The following SFSWAP variants were observed in gnomAD, a reference collection of about 807,000 sequenced individuals.
The protein encoded by SFSWAP is splicing factor SWAP.
In SFSWAP, 17 loss-of-function variants were observed where a neutral mutation model predicts 100.7. The observed-to-expected ratio is 0.17, with a 90% confidence interval of 0.12 to 0.25. The LOEUF is 0.25. Among genes scored for constraint, SFSWAP ranks in the 10% least tolerant of loss-of-function variants. The pLI, the probability that SFSWAP is intolerant of heterozygous loss-of-function variation, is 1.00. For missense variants in SFSWAP, 1,005 were observed against 1,262.6 expected, an observed-to-expected ratio of 0.80 and a Z score of 3.09; for synonymous variants, 504 against 510.1, an observed-to-expected ratio of 0.99 and a Z score of 0.16.
At chr12:131,751,986 A>G (rs1048024632) in intron 7 of SFSWAP, among the ~76,000 whole-genome samples, 2 of 152,202 alleles carry the variant, frequency 1.3e-5, no homozygotes, top group Admixed American at 6.5e-5. Flanking sequence ...CTAGAGAACA[A>G]CGGTTTAGGA....
chr12:131,764,175 G>A, intron 11 of SFSWAP, among the ~76,000 whole-genome samples: 1 of 152,228 alleles, frequency 6.6e-6, no homozygotes, highest in East Asian at 1.9e-4. Flanking sequence ...TAAAATTGCA[G>A]GTGACTGCCC....
chr12:131,755,476 G>A lies in SFSWAP; in HGVS notation c.1545G>A (p.Met515Ile). The A allele has an allele frequency of 6.2e-7, 1 of 1,607,402 alleles. No homozygotes were observed. Among genetic ancestry groups the A allele is most frequent in the South Asian group, 1.1e-5 (1 of 90,942 alleles). The stretch of plus-strand genomic sequence containing the variant: ...TCCAGAAAGAAGGGGGCGATAGCAT[G>A]CAGGTACGTGTCTGAATGCAGGGAG... ...FFLQKEGGDS[M>I]QAVSAPEEAP... The change falls in exon 10 of 18, where the codon ATG becomes ATA. Residue 515 changes from methionine (M) to isoleucine (I), a missense_variant. Met to Ile is a conservative substitution (Grantham distance 10). Transcript: ENST00000261674.
intron 13 of SFSWAP, among the ~76,000 whole-genome samples, chr12:131,776,327 G>A (rs557909077): frequency 4.9e-4 from 74 of 152,136 alleles, no homozygotes; most frequent in South Asian, 2.3e-3. Context: ...CTTGCCCGCC[G>A]CACACCCACA....
Position 131,714,762 on chromosome 12 carries a change from TATAA to T in SFSWAP, c.389-58_389-55del. On this transcript the variant is annotated intron_variant, in intron 2 of 17. Transcript: ENST00000261674. The surrounding 1 kb of genome is among the most constrained non-coding windows in gnomAD (Gnocchi z 6.0). ...ACTGATAGCTACAACTTTAGAAATA[TATAA>T]AGTTTTTCTCAGTAATTTTCTATTT... 6.7e-7 allele frequency: 1 copy of T among 1,485,656 alleles called. No individual in the cohort carries two copies. Among genetic ancestry groups the T allele is most frequent in the South Asian group, 1.2e-5 (1 of 86,548 alleles). 92.0% of individuals were successfully genotyped at this position (1,485,656 alleles called of 1,614,324 possible). A position where few individuals can be genotyped will look rare whatever the true frequency, so the allele number is the denominator to read the frequency against.
rs143582483 is a variant in SFSWAP at position 131,722,413 on chromosome 12, A to G, written c.606+2874A>G. On this transcript the variant is annotated intron_variant, in intron 4 of 17. Transcript: ENST00000261674. ...CCTGTCTCTACAAACAAGTAAAAAT[A>G]ATAGGCCAGTGTGGTGGCACGTGCC... 3.0e-3 allele frequency among the ~76,000 whole-genome samples: 459 copies of G among 152,012 alleles called. 1 individual carries two copies. The highest frequency in any genetic ancestry group is 0.01 in the African/African-American group (422 of 41,458).
At chr12:131,752,100 A>G (rs1223413298) in intron 7 of SFSWAP, among the ~76,000 whole-genome samples, 1 of 152,230 alleles carries the variant, frequency 6.6e-6, no homozygotes, top group Admixed American at 6.5e-5. Context: ...GGAAAGGTCA[A>G]GATAGTCTAA....
Position 131,764,546 on chromosome 12 carries a change from GTGA to G in SFSWAP, c.1821_1823del (p.Asp607del), listed in dbSNP as rs774178442. ...AATCGTGTTAAGCTAGATGATGACA[GTGA>G]TGATGATGAAGAAAGCAAAGAAGGC... On this transcript the variant is annotated inframe_deletion, in exon 12 of 18. Coordinates refer to ENST00000261674, the MANE Select transcript of SFSWAP (RefSeq NM_004592.4). The G allele has an allele frequency of 5.6e-6, 9 of 1,614,162 alleles. No individual in the cohort carries two copies. The highest frequency in any genetic ancestry group is 7.6e-6 in the Non-Finnish European group (9 of 1,179,988).
chr12:131,729,028 C>T (rs10902438), intron 7 of SFSWAP, among the ~76,000 whole-genome samples: 25,445 of 151,992 alleles, frequency 0.17, 2,424 homozygotes, highest in South Asian at 0.29. Context: ...TCCACCCAAG[C>T]CATAGCTAGT....
chr12:131,781,394 C>T (rs113496293), intron 14 of SFSWAP, among the ~76,000 whole-genome samples: 1 of 151,830 alleles, frequency 6.6e-6, no homozygotes. Flanking sequence ...CCCGCCACCT[C>T]GCCCGGCTAA....
At chr12:131,746,433 C>T (rs1199742377) in intron 7 of SFSWAP, among the ~76,000 whole-genome samples, 1 of 152,136 alleles carries the variant, frequency 6.6e-6, no homozygotes, top group Non-Finnish European at 1.5e-5. Flanking sequence ...GCATGTGGGT[C>T]GTTTGTTTGC....
At chr12:131,757,933 G>C (rs892153051) in intron 11 of SFSWAP, 1 of 152,260 alleles carries the variant, frequency 6.6e-6, no homozygotes, top group South Asian at 2.1e-4. Flanking sequence ...TATAGGTCAG[G>C]GTAAGGCAGC....
chr12:131,741,369 C>T (rs962147127), intron 7 of SFSWAP, among the ~76,000 whole-genome samples: 1 of 152,124 alleles, frequency 6.6e-6, no homozygotes, highest in African/African-American at 2.4e-5. Flanking sequence ...GCCATGGTGG[C>T]TCACACCTGT....
chr12:131,785,773 T>G (rs1410030788), intron 14 of SFSWAP: 1 of 153,326 alleles, frequency 6.5e-6, no homozygotes, highest in Non-Finnish European at 1.5e-5. Context: ...TGAAATCGCA[T>G]AAACTTAAGT....
chr12:131,785,027 C>A, intron 14 of SFSWAP: 1 of 1,492,482 alleles, frequency 6.7e-7, no homozygotes, highest in South Asian at 1.2e-5. Context: ...GCGCCCAGCC[C>A]AGCACCTTTT....
At position 131,799,528 on chromosome 12, in the gene SFSWAP, C is replaced by T; in HGVS notation, c.*40C>T. On this transcript the variant is annotated 3_prime_UTR_variant, in exon 18 of 18. Coordinates refer to ENST00000261674, the MANE Select transcript of SFSWAP (RefSeq NM_004592.4). ...AGGCAGAGCCGGGAGGCTGCGTGGG[C>T]TTCTGGGCAGGCTCACGCAGACGCC... is the stretch of plus-strand genomic sequence containing the variant. The T allele has an allele frequency of 6.3e-7, 1 of 1,588,608 alleles. No individual in the cohort carries two copies. The highest frequency in any genetic ancestry group is 8.6e-7 in the Non-Finnish European group (1 of 1,159,590).
intron 15 of SFSWAP, among the ~76,000 whole-genome samples, chr12:131,791,408 T>C (rs1306101319): frequency 6.6e-6 from 1 of 150,908 alleles, no homozygotes; most frequent in African/African-American, 2.4e-5. Context: ...TAAACGAAAC[T>C]TTTCCACCAA....
At chr12:131,727,506 C>T (rs886607060) in intron 6 of SFSWAP, among the ~76,000 whole-genome samples, 1 of 152,068 alleles carries the variant, frequency 6.6e-6, no homozygotes, top group Non-Finnish European at 1.5e-5. Flanking sequence ...ATTAGCCAGG[C>T]GTGGTGGGTA....
intron 15 of SFSWAP, 113 bp from the exon 16 acceptor site, chr12:131,797,065 G>A: frequency 1.1e-6 from 1 of 877,012 alleles, no homozygotes; most frequent in South Asian, 1.6e-5. Context: ...TTCCGTCCCT[G>A]AATTGTGCCT....
intron 8 of SFSWAP, 103 bp from the exon 9 acceptor site, chr12:131,754,265 C>A: frequency 1.2e-6 from 1 of 840,660 alleles, no homozygotes; most frequent in East Asian, 3.0e-5. Context: ...TTATAACTCA[C>A]ATGTCTCTCC....
Sources: gnomAD v4.1 joint callset for allele counts (sites outside exome capture counted in the v4.1 genomes callset) on GRCh38, gnomAD v4.1.1 for gene constraint, Gnocchi (gnomAD v3.1) non-coding constraint, MANE v1.5 for transcripts, NCBI Gene and HGNC (gene_info 2026-07-23, HGNC 2026-07-21) for gene names.